The following TEKTIP1 variants were observed in gnomAD, a reference collection of about 807,000 sequenced individuals.
The protein encoded by TEKTIP1 is tektin bundle-interacting protein 1.
the TEKTIP1 span, among the ~76,000 whole-genome samples, chr19:3,541,273 C>G: frequency 1.3e-5 from 2 of 151,032 alleles, no homozygotes. Flanking sequence ...GAGGTCAAGG[C>G]TGCAGTGAGC....
the TEKTIP1 span, chr19:3,543,725 A>T: frequency 6.7e-7 from 1 of 1,493,458 alleles, no homozygotes; most frequent in South Asian, 1.3e-5. Context: ...CAGGGGGACA[A>T]GGCCACCTAG....
At chr19:3,543,268 G>A in the TEKTIP1 span, 1 of 1,547,144 alleles carries the variant, frequency 6.5e-7, no homozygotes, top group South Asian at 1.2e-5. Context: ...GTTCCCGCTG[G>A]CCACCAGCCA....
the TEKTIP1 span, chr19:3,543,106 A>T: frequency 3.3e-5 from 50 of 1,533,806 alleles, no homozygotes; most frequent in Admixed American, 1.4e-4. Context: ...ACAGACTCCA[A>T]GTGGCGAGGG....
At chr19:3,542,959 C>T in the TEKTIP1 span, 1 of 1,525,044 alleles carries the variant, frequency 6.6e-7, no homozygotes, top group African/African-American at 1.4e-5. Flanking sequence ...TCCCCTCCCT[C>T]TTCTCCAGGC....
At chr19:3,542,785 T>TG in the TEKTIP1 span, 1 of 1,368,196 alleles carries the variant, frequency 7.3e-7, no homozygotes, top group Middle Eastern at 2.2e-4. Flanking sequence ...CCTGGCCTAG[T>TG]GGGTCCCCCA....
At chr19:3,542,991 G>A in the TEKTIP1 span, 6 of 1,587,650 alleles carry the variant, frequency 3.8e-6, no homozygotes, top group Non-Finnish European at 5.2e-6. Context: ...AGAACAGAAA[G>A]GTTTAGTGCT....
At chr19:3,543,393 G>C in the TEKTIP1 span, 5 of 1,548,956 alleles carry the variant, frequency 3.2e-6, no homozygotes, top group Admixed American at 3.9e-5. Flanking sequence ...AACCTGCCAC[G>C]GGCCCCGGCC....
At chr19:3,543,022 G>A in the TEKTIP1 span, 21 of 1,605,020 alleles carry the variant, frequency 1.3e-5, no homozygotes, top group African/African-American at 9.4e-5. Context: ...CTTGGGGTGC[G>A]ATGTGTGGGG....
chr19:3,539,181 C>T, the TEKTIP1 span: 1 of 1,549,868 alleles, frequency 6.5e-7, no homozygotes, highest in South Asian at 1.2e-5. Context: ...GGCAGACATG[C>T]AAACCCTCAG....
chr19:3,543,024 T>C, the TEKTIP1 span: 6 of 1,603,876 alleles, frequency 3.7e-6, no homozygotes, highest in Admixed American at 5.0e-5. Flanking sequence ...TGGGGTGCGA[T>C]GTGTGGGGAG....
At chr19:3,543,218 C>A in the TEKTIP1 span, 1 of 1,539,206 alleles carries the variant, frequency 6.5e-7, no homozygotes, top group East Asian at 2.5e-5. Flanking sequence ...CAGTCTCTGC[C>A]CCCTGCCCAC....
chr19:3,540,836 G>A, the TEKTIP1 span, among the ~76,000 whole-genome samples: 1 of 130,068 alleles, frequency 7.7e-6, no homozygotes, highest in Non-Finnish European at 1.6e-5. Context: ...CCGAGATCGT[G>A]CCACTGGACT....
At chr19:3,543,543 G>A in the TEKTIP1 span, 150 of 1,216,344 alleles carry the variant, frequency 1.2e-4, 1 homozygote, top group African/African-American at 1.5e-4. Flanking sequence ...GCCAGCCCCC[G>A]CCCCACCGCA....
At chr19:3,541,747 G>A in the TEKTIP1 span, 1 of 985,374 alleles carries the variant, frequency 1.0e-6, no homozygotes, top group Non-Finnish European at 1.2e-6. Context: ...GTAGTGAGTG[G>A]CAGGTGGGTA....
chr19:3,542,418 A>C, the TEKTIP1 span: 1 of 985,410 alleles, frequency 1.0e-6, no homozygotes, highest in Non-Finnish European at 1.2e-6. Context: ...TTCTGGGATG[A>C]CTTCCTTGGG....
the TEKTIP1 span, chr19:3,543,659 C>T: frequency 1.9e-6 from 3 of 1,541,392 alleles, no homozygotes; most frequent in African/African-American, 1.4e-5. Flanking sequence ...GAAAGACAGG[C>T]CAATCCGGGG....
the TEKTIP1 span, chr19:3,539,752 C>T: frequency 2.0e-4 from 32 of 160,036 alleles, no homozygotes; most frequent in African/African-American, 7.4e-4. Context: ...CATCCTAACA[C>T]GGGGTGACCT....
the TEKTIP1 span, chr19:3,543,619 C>T: frequency 1.9e-6 from 3 of 1,544,730 alleles, no homozygotes; most frequent in South Asian, 1.2e-5. Flanking sequence ...AGTACCAGGC[C>T]CCCAGCACCC....
the TEKTIP1 span, chr19:3,540,117 A>T: frequency 8.0e-6 from 1 of 124,712 alleles, no homozygotes. Context: ...TTTTTTTGAG[A>T]CAGTCTCATA....
Sources: allele counts gnomAD v4.1 joint callset (sites outside exome capture counted in the v4.1 genomes callset), GRCh38; gene constraint gnomAD v4.1.1; transcripts MANE v1.5; gene names NCBI Gene and HGNC (gene_info 2026-07-23, HGNC 2026-07-21).